Variants in CABCOCO1 observed in about 807,000 individuals in gnomAD.
CABCOCO1 encodes the protein ciliary associated calcium binding coiled-coil 1, also known as ciliary-associated calcium-binding coiled-coil protein 1.
CABCOCO1 carries 28 observed loss-of-function variants against 35.7 expected under a neutral mutation model. That is an observed-to-expected ratio of 0.78 (90% confidence interval 0.58 to 1.07). The LOEUF (loss-of-function observed/expected upper bound fraction) is 1.07, where lower values mean the gene tolerates loss of function less well. Ranked by LOEUF, CABCOCO1 falls within the 50% of genes least tolerant of loss-of-function variation. The probability of loss-of-function intolerance (pLI) is 0.00; values close to 1 mark genes in which losing one functional copy is unlikely to be tolerated. For missense variants in CABCOCO1, 326 were observed against 309.2 expected (o/e 1.05, Z -0.41); for synonymous variants, 95 against 100.1 (o/e 0.95, Z 0.30).
At chr10:61,707,631 G>A (rs1210795244) in intron 5 of CABCOCO1, among the ~76,000 whole-genome samples, 2 of 152,090 alleles carry the variant, frequency 1.3e-5, no homozygotes, top group Non-Finnish European at 2.9e-5. Flanking sequence ...GGGATGAAGA[G>A]TGTGCTAAAG....
At chr10:61,698,159 T>C (rs1840344463) in intron 5 of CABCOCO1, among the ~76,000 whole-genome samples, 2 of 152,164 alleles carry the variant, frequency 1.3e-5, no homozygotes, top group African/African-American at 4.8e-5. Flanking sequence ...TACACATTTG[T>C]GTTTGGATAT....
chr10:61,739,372 G>A (rs946416619), intron 5 of CABCOCO1, among the ~76,000 whole-genome samples: 2 of 152,146 alleles, frequency 1.3e-5, no homozygotes, highest in Non-Finnish European at 2.9e-5. Context: ...ACTAGATATG[G>A]AAGTAGCTTT....
At chr10:61,683,138 G>A (rs1008674739) in intron 3 of CABCOCO1, among the ~76,000 whole-genome samples, 2 of 152,044 alleles carry the variant, frequency 1.3e-5, no homozygotes, top group Non-Finnish European at 2.9e-5. Context: ...TGATCTGCCC[G>A]CCTCAGCTTC....
chr10:61,685,958 G>A (rs1220834679), intron 3 of CABCOCO1, 83 bp from the exon 4 acceptor site: 2 of 1,216,410 alleles, frequency 1.6e-6, no homozygotes, highest in Non-Finnish European at 2.3e-6. Flanking sequence ...GTAAATTTTG[G>A]CACATTGAAA....
chr10:61,673,428 G>A (rs1839419733), intron 2 of CABCOCO1, among the ~76,000 whole-genome samples: 1 of 152,200 alleles, frequency 6.6e-6, no homozygotes, highest in East Asian at 1.9e-4. Context: ...GCCATCGTGT[G>A]TAGAGAGTGG....
At chr10:61,680,645 ATATATATTAT>A (rs1839726826) in intron 2 of CABCOCO1, among the ~76,000 whole-genome samples, 5 of 80,430 alleles carry the variant, frequency 6.2e-5, no homozygotes, top group African/African-American at 2.0e-4. Context: ...TACATATATA[ATATATATTAT>A]GTTATACATG....
chr10:61,679,345 A>G (rs964714231), intron 2 of CABCOCO1, among the ~76,000 whole-genome samples: 7 of 143,922 alleles, frequency 4.9e-5, no homozygotes, highest in Non-Finnish European at 1.1e-4. Flanking sequence ...ATATCTATCT[A>G]TCTATCTGCT....
chr10:61,751,210 GCTC>G (rs1452095076), intron 5 of CABCOCO1, among the ~76,000 whole-genome samples: 2 of 135,886 alleles, frequency 1.5e-5, no homozygotes, highest in African/African-American at 5.7e-5. Flanking sequence ...GCTTTGCCTT[GCTC>G]TTTTTTTTTT....
intron 2 of CABCOCO1, among the ~76,000 whole-genome samples, chr10:61,678,565 C>T (rs1415133269): frequency 6.6e-6 from 1 of 151,798 alleles, no homozygotes; most frequent in Non-Finnish European, 1.5e-5. Context: ...TATGACATAA[C>T]AGGAAATTCA....
intron 5 of CABCOCO1, among the ~76,000 whole-genome samples, chr10:61,737,328 G>A (rs1041346658): frequency 6.6e-5 from 10 of 152,086 alleles, no homozygotes; most frequent in Non-Finnish European, 1.3e-4. Flanking sequence ...GCAGAGAAAA[G>A]GGAACCCCTC....
At chr10:61,697,230 C>G (rs1337888922) in intron 5 of CABCOCO1, among the ~76,000 whole-genome samples, 2 of 151,876 alleles carry the variant, frequency 1.3e-5, no homozygotes, top group East Asian at 3.9e-4. Flanking sequence ...TTTATTACAG[C>G]TAAAAATTGC....
At chr10:61,715,262 T>C (rs1170659163) in intron 5 of CABCOCO1, among the ~76,000 whole-genome samples, 1 of 152,214 alleles carries the variant, frequency 6.6e-6, no homozygotes, top group Non-Finnish European at 1.5e-5. Flanking sequence ...TTTACCATTA[T>C]GTAATGGCCT....
At chr10:61,686,554 CTA>C (rs1279458354) in intron 4 of CABCOCO1, among the ~76,000 whole-genome samples, 5 of 152,096 alleles carry the variant, frequency 3.3e-5, no homozygotes, top group African/African-American at 1.2e-4. Context: ...ATAATAGACT[CTA>C]TGTTTTAGGT....
intron 5 of CABCOCO1, among the ~76,000 whole-genome samples, chr10:61,707,629 G>A (rs894889786): frequency 6.6e-6 from 1 of 152,118 alleles, no homozygotes; most frequent in African/African-American, 2.4e-5. Context: ...TTGGGATGAA[G>A]AGTGTGCTAA....
rs1462358385 is a variant in CABCOCO1, at chr10:61,745,131, C to A, written c.553-14928C>A. 5.3e-5 allele frequency among the ~76,000 whole-genome samples: 8 copies of A among 152,252 alleles called. No individual in the cohort carries two copies. In the East Asian group the frequency reaches 1.5e-3, roughly 29 times the overall value. Reference sequence around the variant, plus strand: ...AGCTATCAAATGTGTTTTTCATAGTCTATGACCAGAGGTCTATTTGTATCC... The same window carrying A: ...AGCTATCAAATGTGTTTTTCATAGTATATGACCAGAGGTCTATTTGTATCC... On this transcript the variant is annotated intron_variant, in intron 5 of 7. Transcript: ENST00000648843.
chr10:61,724,733 A>T (rs1003929059), intron 5 of CABCOCO1, among the ~76,000 whole-genome samples: 4 of 152,208 alleles, frequency 2.6e-5, no homozygotes, highest in Non-Finnish European at 4.4e-5. Context: ...GAACTTTTTT[A>T]AAAAAGAAAT....
At chr10:61,707,239 G>A (rs375727853) in intron 5 of CABCOCO1, among the ~76,000 whole-genome samples, 42 of 152,250 alleles carry the variant, frequency 2.8e-4, no homozygotes, top group Admixed American at 1.7e-3. Context: ...TAAATAGCAA[G>A]TTAGGCAGGC....
chr10:61,744,085 T>C (rs778738831), intron 5 of CABCOCO1, among the ~76,000 whole-genome samples: 8 of 152,108 alleles, frequency 5.3e-5, no homozygotes, highest in Non-Finnish European at 1.2e-4. Flanking sequence ...GCATGTTCAG[T>C]GAAGGTGAAA....
intron 5 of CABCOCO1, among the ~76,000 whole-genome samples, chr10:61,741,466 C>A (rs943177266): frequency 1.4e-4 from 22 of 152,232 alleles, no homozygotes; most frequent in Non-Finnish European, 1.8e-4. Context: ...TTGTTTCCTG[C>A]ATAAAATAAC....
Sources: gnomAD v4.1 joint callset for allele counts (sites outside exome capture counted in the v4.1 genomes callset) on GRCh38, gnomAD v4.1.1 for gene constraint, MANE v1.5 for transcripts, NCBI Gene and HGNC (gene_info 2026-07-23, HGNC 2026-07-21) for gene names.